The following MRPL1 variants were observed in gnomAD, a reference collection of about 807,000 sequenced individuals.
The protein encoded by MRPL1 is mitochondrial ribosomal protein L1, also known as large ribosomal subunit protein uL1m.
In MRPL1, 28 loss-of-function variants were observed where a neutral mutation model predicts 38.0. The observed-to-expected ratio is 0.74, with a 90% CI of 0.55 to 1.01. MRPL1 has a LOEUF of 1.01. Ranked by LOEUF, MRPL1 falls within the 50% of genes least tolerant of loss-of-function variation. The pLI, the probability that MRPL1 is intolerant of heterozygous loss-of-function variation, is 0.00. For synonymous variants in MRPL1, 123 were observed against 126.7 expected (o/e 0.97, Z 0.20); for missense variants, 358 against 389.8 (o/e 0.92, Z 0.69).
chr4:77,913,608 G>A (rs915846832), intron 7 of MRPL1, among the ~76,000 whole-genome samples: 35 of 152,092 alleles, frequency 2.3e-4, no homozygotes, highest in Admixed American at 1.8e-3. Flanking sequence ...TTGCACATCC[G>A]CCTACTATAT....
intron 6 of MRPL1, among the ~76,000 whole-genome samples, chr4:77,908,528 T>G (rs749907452): frequency 6.6e-6 from 1 of 152,194 alleles, no homozygotes. Flanking sequence ...CCACCATGCC[T>G]GGCCAGTGTT....
At chr4:77,924,854 T>A (rs1736675357) in intron 7 of MRPL1, among the ~76,000 whole-genome samples, 1 of 152,220 alleles carries the variant, frequency 6.6e-6, no homozygotes, top group Non-Finnish European at 1.5e-5. Context: ...TTAAGTGAAT[T>A]TTGGTAGTTA....
At chr4:77,885,172 A>C (rs752189944) in intron 3 of MRPL1, 84 bp from the exon 4 acceptor site, 57 of 1,030,608 alleles carry the variant, frequency 5.5e-5, no homozygotes, top group Non-Finnish European at 7.1e-5. Context: ...TGAAAACAAA[A>C]CATGTCCGTT....
intron 1 of MRPL1, among the ~76,000 whole-genome samples, chr4:77,865,687 A>G (rs1735113157): frequency 6.6e-6 from 1 of 152,118 alleles, no homozygotes. Context: ...TGTATCTCAC[A>G]CTTTACATTA....
At chr4:77,869,518 A>C (rs887356342) in intron 1 of MRPL1, among the ~76,000 whole-genome samples, 2 of 152,168 alleles carry the variant, frequency 1.3e-5, no homozygotes, top group African/African-American at 4.8e-5. Context: ...ATTTCTGTTG[A>C]AAATTGTAGT....
At chr4:77,921,132 TC>T (rs1251503632) in intron 7 of MRPL1, among the ~76,000 whole-genome samples, 1 of 152,244 alleles carries the variant, frequency 6.6e-6, no homozygotes, top group Non-Finnish European at 1.5e-5. Context: ...TTTCAGTGGT[TC>T]TACATGTGCT....
At chr4:77,872,423 A>G (rs1281126920) in intron 2 of MRPL1, among the ~76,000 whole-genome samples, 3 of 152,124 alleles carry the variant, frequency 2.0e-5, no homozygotes, top group Non-Finnish European at 2.9e-5. Flanking sequence ...CATAGTATAT[A>G]TATTGGGTAT....
intron 7 of MRPL1, among the ~76,000 whole-genome samples, chr4:77,919,043 C>T (rs1165070981): frequency 6.6e-6 from 1 of 152,090 alleles, no homozygotes; most frequent in Non-Finnish European, 1.5e-5. Flanking sequence ...ACTGTCTTGT[C>T]CTCTATTTAT....
intron 2 of MRPL1, among the ~76,000 whole-genome samples, chr4:77,882,936 C>T (rs1319936013): frequency 6.6e-6 from 1 of 152,208 alleles, no homozygotes; most frequent in Non-Finnish European, 1.5e-5. Context: ...TTCTGTCAGG[C>T]TCTGATGATG....
In MRPL1 at chr4:77,883,450, A is replaced by G. The variant is rs149356082; in HGVS notation, c.352A>G (p.Lys118Glu). Residue 118 changes from lysine (K) to glutamate (E), a missense_variant, in exon 3 of 9, where the codon AAG becomes GAG. Physicochemically the swap from Lys to Glu is moderately conservative, Grantham distance 56. Transcript: ENST00000315567. ...KFQILDFTSP[K>E]QSVYLDLTLD... ...TCAAATTCTTGACTTTACTAGTCCA[A>G]AGCAAAGTGTTTATCTTGATTTGAC... The G allele has an allele frequency of 6.2e-7, 1 of 1,613,864 alleles. No individual in the cohort carries two copies. Among genetic ancestry groups the G allele is most frequent in the Non-Finnish European group, 8.5e-7 (1 of 1,179,830 alleles).
At chr4:77,870,091 ACTCT>A (rs1173198033) in intron 1 of MRPL1, among the ~76,000 whole-genome samples, 2 of 150,846 alleles carry the variant, frequency 1.3e-5, no homozygotes, top group Non-Finnish European at 3.0e-5. Context: ...ATGGGGTTCC[ACTCT>A]ATTGCCCAGG....
At chr4:77,921,242 G>A (rs1175890567) in intron 7 of MRPL1, among the ~76,000 whole-genome samples, 2 of 152,166 alleles carry the variant, frequency 1.3e-5, no homozygotes, top group East Asian at 3.8e-4. Flanking sequence ...GGCAAAAACT[G>A]TTCCTAACTA....
rs72869540 is a variant in MRPL1, at chr4:77,894,780, C to G, written c.670+530C>G. The stretch of plus-strand genomic sequence containing the variant: ...TATTATATAATAAATTAAAAAAGTG[C>G]TAGGGGTGTTCAGTGGAGGTGGAGT... On this transcript the variant is annotated intron_variant, in intron 6 of 8. Transcript: ENST00000315567. 5.9e-4 allele frequency among the ~76,000 whole-genome samples: 90 copies of G among 152,022 alleles called. 1 individual carries two copies. The highest frequency in any genetic ancestry group is 2.0e-3 in the African/African-American group (85 of 41,488).
At chr4:77,925,155 C>T (rs897169665) in intron 7 of MRPL1, among the ~76,000 whole-genome samples, 5 of 152,094 alleles carry the variant, frequency 3.3e-5, no homozygotes, top group African/African-American at 1.2e-4. Context: ...AAGTAACAGG[C>T]ATTGTAGTAC....
intron 7 of MRPL1, among the ~76,000 whole-genome samples, chr4:77,927,677 A>G (rs1044082659): frequency 6.6e-6 from 1 of 152,034 alleles, no homozygotes; most frequent in East Asian, 1.9e-4. Context: ...TAAAAATTTC[A>G]CTAAGTACAA....
At chr4:77,911,538 T>G (rs1222631273) in intron 7 of MRPL1, among the ~76,000 whole-genome samples, 2 of 152,084 alleles carry the variant, frequency 1.3e-5, no homozygotes, top group African/African-American at 4.8e-5. Flanking sequence ...CCTGTTGTCT[T>G]GATTCAAACC....
chr4:77,885,992 A>G (rs1018929356), intron 4 of MRPL1, among the ~76,000 whole-genome samples: 2 of 152,232 alleles, frequency 1.3e-5, no homozygotes, highest in African/African-American at 4.8e-5. Flanking sequence ...TTTTAAAGCA[A>G]TGGAACCATT....
Position 77,885,868 on chromosome 4 carries a change from A to G in MRPL1, c.486+529A>G, listed in dbSNP as rs141363937. Among the ~76,000 whole-genome samples the G allele has an allele frequency of 3.7e-3, 570 of 152,332 alleles. 5 individuals carry two copies. The highest frequency in any genetic ancestry group is 0.013 in the African/African-American group (544 of 41,568). ...GCTAAATTAGAACATTAGTTTCATC[A>G]TTACTAGAATGCTACATTGTGTTTC... On this transcript the variant is annotated intron_variant, in intron 4 of 8. Coordinates refer to ENST00000315567, the MANE Select transcript of MRPL1 (RefSeq NM_020236.4).
chr4:77,877,609 T>TTA (rs1553904274), intron 2 of MRPL1, among the ~76,000 whole-genome samples: 1 of 149,308 alleles, frequency 6.7e-6, no homozygotes, highest in Non-Finnish European at 1.5e-5. Context: ...TTTTTTTTTT[T>TTA]AAATAAATGC....
Sources: gnomAD v4.1 joint callset for allele counts (sites outside exome capture counted in the v4.1 genomes callset) on GRCh38, gnomAD v4.1.1 for gene constraint, MANE v1.5 for transcripts, NCBI Gene and HGNC (gene_info 2026-07-23, HGNC 2026-07-21) for gene names.